KIAA0319: variants seen among roughly 807,000 people sequenced by gnomAD.
KIAA0319 encodes KIAA0319.
A neutral mutation model predicts 108.4 loss-of-function variants in KIAA0319; 83 were observed. The ratio of observed to expected loss-of-function variants is 0.77; its 90% CI spans 0.64 to 0.92. The LOEUF (loss-of-function observed/expected upper bound fraction) is 0.92, where lower values mean the gene tolerates loss of function less well. Among genes scored for constraint, KIAA0319 ranks in the 40% least tolerant of loss-of-function variants. The probability of loss-of-function intolerance (pLI) is 0.00; values close to 1 mark genes in which losing one functional copy is unlikely to be tolerated. For missense variants in KIAA0319, 1,195 were observed against 1,322.4 expected, an observed-to-expected ratio of 0.90 and a Z score of 1.49; for synonymous variants, 484 against 510.4, an observed-to-expected ratio of 0.95 and a Z score of 0.70.
At chr6:24,560,358 C>T (rs1339621870) in intron 16 of KIAA0319, among the ~76,000 whole-genome samples, 2 of 152,190 alleles carry the variant, frequency 1.3e-5, no homozygotes, top group Non-Finnish European at 2.9e-5. Flanking sequence ...ACAGGCTCGC[C>T]AGCACTTGCT....
intron 2 of KIAA0319, chr6:24,598,947 G>T: frequency 1.7e-6 from 1 of 594,850 alleles, no homozygotes. Flanking sequence ...CAAGAGGGAT[G>T]TGGATGAAGC....
intron 2 of KIAA0319, among the ~76,000 whole-genome samples, chr6:24,600,418 C>T (rs965721915): frequency 1.3e-5 from 2 of 152,130 alleles, no homozygotes; most frequent in African/African-American, 2.4e-5. Flanking sequence ...AATTTGGGTG[C>T]TTCTGAATCA....
chr6:24,590,321 A>C (rs1768281662), intron 3 of KIAA0319, among the ~76,000 whole-genome samples: 1 of 152,130 alleles, frequency 6.6e-6, no homozygotes, highest in Non-Finnish European at 1.5e-5. Context: ...ACAAGACGAA[A>C]TAATGAAATT....
intron 4 of KIAA0319, among the ~76,000 whole-genome samples, chr6:24,586,100 A>G (rs1337200201): frequency 6.6e-6 from 1 of 152,148 alleles, no homozygotes; most frequent in Non-Finnish European, 1.5e-5. Context: ...AACAAACAAA[A>G]AAAAACAAGC....
chr6:24,592,492 G>C (rs938587992), intron 3 of KIAA0319, among the ~76,000 whole-genome samples: 1 of 152,008 alleles, frequency 6.6e-6, no homozygotes, highest in African/African-American at 2.4e-5. Context: ...TCTCTCACCC[G>C]TAGCCTCAAG....
At chr6:24,618,120 C>T (rs2127565094) in intron 1 of KIAA0319, among the ~76,000 whole-genome samples, 1 of 152,208 alleles carries the variant, frequency 6.6e-6, no homozygotes, top group South Asian at 2.1e-4. Context: ...AATTGGCAAC[C>T]ATAGGTTTGC....
chr6:24,550,544 T>A (rs1399763171), intron 20 of KIAA0319, among the ~76,000 whole-genome samples: 1 of 152,236 alleles, frequency 6.6e-6, no homozygotes, highest in African/African-American at 2.4e-5. Flanking sequence ...CAGGTGCTCC[T>A]AAGCATAGGG....
chr6:24,572,270 C>A (rs990855556), intron 11 of KIAA0319, among the ~76,000 whole-genome samples: 26 of 152,302 alleles, frequency 1.7e-4, no homozygotes, highest in South Asian at 1.0e-3. Context: ...GAGTGTCAAG[C>A]CACACATAAG....
At chr6:24,558,397 ATAG>A (rs2127432639) in intron 17 of KIAA0319, among the ~76,000 whole-genome samples, 1 of 149,862 alleles carries the variant, frequency 6.7e-6, no homozygotes, top group African/African-American at 2.5e-5. Flanking sequence ...AGATAGATAG[ATAG>A]ATAGATATCT....
chr6:24,569,032 T>A (rs1163404882), intron 12 of KIAA0319, 103 bp from the exon 13 acceptor site: 2 of 1,148,050 alleles, frequency 1.7e-6, no homozygotes, highest in Non-Finnish European at 2.5e-6. Context: ...CCAGCTATAA[T>A]ATATACCATT....
In KIAA0319 at chr6:24,583,652, C is replaced by G. The variant is rs767080578; in HGVS notation, c.1045G>C (p.Asp349His). Residue 349 changes from aspartate to histidine, a missense_variant, in exon 5 of 21, where the codon GAC becomes CAC. Coordinates refer to ENST00000378214, the MANE Select transcript of KIAA0319 (RefSeq NM_014809.4). The part of the protein sequence containing the change: ...AGDNLIITLP[D>H]NEVELKAFVA... Reference sequence around the variant, plus strand: ...AAGGCCTTCAGTTCAACTTCATTGTCGGGTAAAGTTATAATTAGGTTATCT... The same window carrying G: ...AAGGCCTTCAGTTCAACTTCATTGTGGGGTAAAGTTATAATTAGGTTATCT... 29 of 1,613,664 alleles carry G rather than the reference C, an allele frequency of 1.8e-5. No homozygotes were observed. Among genetic ancestry groups the G allele is most frequent in the Non-Finnish European group, 2.3e-5 (27 of 1,179,868 alleles).
In KIAA0319 at chr6:24,554,536, G is replaced by A; in HGVS notation, c.2948+5C>T. 3.1e-6 allele frequency: 5 copies of A among 1,607,898 alleles called. No homozygotes were observed. Among genetic ancestry groups the A allele is most frequent in the Non-Finnish European group, 4.3e-6 (5 of 1,174,448 alleles). On this transcript the variant is annotated splice_donor_5th_base_variant and intron_variant, in intron 19 of 20. Transcript: ENST00000378214. ...CTATTTCCCAGGAATAAGCACTCTA[G>A]GTACCTTTTGCAGCAGCAGATGCAA...
chr6:24,584,432 A>T (rs111765638), intron 4 of KIAA0319, among the ~76,000 whole-genome samples: 75 of 21,382 alleles, frequency 3.5e-3, no homozygotes, highest in African/African-American at 7.7e-3. Context: ...GCAAAGATTT[A>T]AAAAAAAAAA....
rs566081454 is a variant in KIAA0319 at position 24,547,032 on chromosome 6, C to T, written c.*133G>A. 72 of 893,780 alleles carry T rather than the reference C, an allele frequency of 8.1e-5. 1 individual carries two copies. The South Asian group carries it at 1.0e-3, about 13-fold the overall frequency. 55.4% of individuals were successfully genotyped at this position (893,780 alleles called of 1,614,324 possible). A position where few individuals can be genotyped will look rare whatever the true frequency, so the allele number is the denominator to read the frequency against. On this transcript the variant is annotated 3_prime_UTR_variant, in exon 21 of 21. Transcript: ENST00000378214. ...GCCTTCAAAAACCGGTCTTTTAGTA[C>T]GTGGGGATACACATCTAACCCACTG...
chr6:24,595,685 G>A (rs1769426216), intron 3 of KIAA0319, among the ~76,000 whole-genome samples, 188 bp downstream of exon 3: 1 of 151,474 alleles, frequency 6.6e-6, no homozygotes, highest in Non-Finnish European at 1.5e-5. Context: ...GGAATGAGAT[G>A]TTCTGCTTCC....
At position 24,564,317 on chromosome 6, in the gene KIAA0319, G is replaced by A. The variant is rs750662945; in HGVS notation, c.2316C>T (p.His772=). The part of the protein sequence containing the change: ...AAGDVIDGSD[H]SVALQLTNLV... Reference sequence around the variant, plus strand: ...GATTCGTAAGCTGCAGAGCCACACTGTGGTCAGAGCCATCGATGACATCCT... The same window carrying A: ...GATTCGTAAGCTGCAGAGCCACACTATGGTCAGAGCCATCGATGACATCCT... The change falls in exon 15 of 21, where the codon CAC becomes CAT. Residue 772 remains histidine (H), a synonymous_variant. Transcript: ENST00000378214. 3.7e-6 allele frequency: 6 copies of A among 1,614,174 alleles called. No individual in the cohort carries two copies. Among genetic ancestry groups the A allele is most frequent in the Non-Finnish European group, 4.2e-6 (5 of 1,180,020 alleles).
At chr6:24,629,103 A>G (rs1411069382) in intron 1 of KIAA0319, among the ~76,000 whole-genome samples, 3 of 152,116 alleles carry the variant, frequency 2.0e-5, no homozygotes, top group African/African-American at 7.2e-5. Flanking sequence ...AGCAGACAGT[A>G]TTTTCTAAGT....
intron 20 of KIAA0319, among the ~76,000 whole-genome samples, chr6:24,549,555 A>C (rs1331165210): frequency 6.6e-6 from 1 of 152,160 alleles, no homozygotes; most frequent in Non-Finnish European, 1.5e-5. Flanking sequence ...AGTGCAACAT[A>C]GAGGAAGAGC....
intron 11 of KIAA0319, among the ~76,000 whole-genome samples, chr6:24,570,666 G>A (rs1432935591): frequency 2.8e-5 from 4 of 144,980 alleles, no homozygotes; most frequent in Non-Finnish European, 4.5e-5. Flanking sequence ...GTTGGGGGAG[G>A]AAGGAAAGAG....
Sources: gnomAD v4.1 joint callset for allele counts (sites outside exome capture counted in the v4.1 genomes callset) on GRCh38, gnomAD v4.1.1 for gene constraint, MANE v1.5 for transcripts, NCBI Gene and HGNC (gene_info 2026-07-23, HGNC 2026-07-21) for gene names.